TLN2: variants seen among roughly 807,000 people sequenced by gnomAD.
The protein encoded by TLN2 is talin-2.
Under a neutral mutation model 294.7 loss-of-function variants are expected in TLN2, and 118 were observed. That is an observed-to-expected ratio of 0.40 (90% CI 0.34 to 0.47). TLN2 has a LOEUF of 0.47. TLN2 is among the 20% of genes least tolerant of loss of function. The pLI, the probability that TLN2 is intolerant of heterozygous loss-of-function variation, is 0.84. For missense variants in TLN2, 3,083 were observed against 3,282.2 expected, an observed-to-expected ratio of 0.94 and a Z score of 1.48; for synonymous variants, 1,431 against 1,304.5, an observed-to-expected ratio of 1.10 and a Z score of -2.09.
rs115429014 is a variant in TLN2 at position 62,434,625 on chromosome 15, A to G, written c.-238+43940A>G. On this transcript the variant is annotated intron_variant, in intron 1 of 58. Coordinates refer to ENST00000636159, the MANE Select transcript of TLN2 (RefSeq NM_015059.3). Reference sequence around the variant, plus strand: ...GAAGTTGTATCATTTTTAATCATTTAACCAACAATGTATGAGAGTGCCTGT... The same window carrying G: ...GAAGTTGTATCATTTTTAATCATTTGACCAACAATGTATGAGAGTGCCTGT... Among the ~76,000 whole-genome samples the G allele has an allele frequency of 5.9e-3, 894 of 152,298 alleles. 12 individuals are homozygous for G. Among genetic ancestry groups the G allele is most frequent in the African/African-American group, 0.021 (863 of 41,552 alleles).
At chr15:62,697,540 C>A (rs2058430694) in intron 14 of TLN2, 148 bp from the exon 15 acceptor site, 1 of 804,594 alleles carries the variant, frequency 1.2e-6, no homozygotes, top group East Asian at 2.8e-5. Flanking sequence ...AATGCCACTT[C>A]TTCATTCCTG....
chr15:62,435,740 C>G (rs2035256758), intron 1 of TLN2, among the ~76,000 whole-genome samples: 1 of 152,110 alleles, frequency 6.6e-6, no homozygotes, highest in Non-Finnish European at 1.5e-5. Context: ...TGGGGTTTTG[C>G]CATGTTGGCC....
chr15:62,788,299 G>A (rs1235870389), intron 45 of TLN2, among the ~76,000 whole-genome samples: 7 of 151,918 alleles, frequency 4.6e-5, no homozygotes, highest in Admixed American at 3.9e-4. Flanking sequence ...CAAAAAGAGC[G>A]AAACTCCATC....
chr15:62,587,943 T>G (rs1051958272), intron 1 of TLN2, among the ~76,000 whole-genome samples: 5 of 152,090 alleles, frequency 3.3e-5, no homozygotes, highest in Non-Finnish European at 4.4e-5. Context: ...TGTAGTGGCG[T>G]GATCTCGGCT....
At chr15:62,703,104 ATT>A (rs34852037) in intron 19 of TLN2, among the ~76,000 whole-genome samples, 9 of 140,822 alleles carry the variant, frequency 6.4e-5, no homozygotes, top group East Asian at 2.1e-4. Context: ...AGCTTTCCTG[ATT>A]TTTTTTTTTT....
At position 62,483,902 on chromosome 15, in the gene TLN2, T is replaced by G. The variant is rs182491874; in HGVS notation, c.-238+93217T>G. Among the ~76,000 whole-genome samples, 43 of 152,330 alleles carry G rather than the reference T, an allele frequency of 2.8e-4. 1 individual carries two copies. In the East Asian group the frequency reaches 6.2e-3, roughly 22 times the overall value. ...CCCATGGATTACATTTGGCAGCGTT[T>G]CTTTGGCCAGCTGCATGCCTCCCAG... On this transcript the variant is annotated intron_variant, in intron 1 of 58. Transcript: ENST00000636159.
chr15:62,608,322 C>G (rs76616085), intron 2 of TLN2, among the ~76,000 whole-genome samples: 10,830 of 152,096 alleles, frequency 0.071, 517 homozygotes, highest in East Asian at 0.16. Flanking sequence ...TGTTAGACTT[C>G]TCCCTAAGAA....
At chr15:62,821,723 A>G (rs2067586129) in intron 54 of TLN2, among the ~76,000 whole-genome samples, 1 of 152,130 alleles carries the variant, frequency 6.6e-6, no homozygotes, top group Admixed American at 6.5e-5. Context: ...TGTGGGGTTT[A>G]CCAGGGCTCT....
intron 57 of TLN2, 139 bp downstream of exon 57, chr15:62,836,212 C>T (rs1189427630): frequency 8.4e-7 from 1 of 1,190,244 alleles, no homozygotes; most frequent in Non-Finnish European, 1.2e-6. Flanking sequence ...GCCTCATCTA[C>T]TGCGTGCGTC....
In TLN2 at chr15:62,694,346, G is replaced by C. The variant is rs756715694; in HGVS notation, c.1246G>C (p.Gly416Arg). The part of the protein sequence containing the change: ...KQSKDRFGLE[G>R]DEESTMLEES... The stretch of plus-strand genomic sequence containing the variant: ...AAGTAAAGATCGATTTGGACTAGAA[G>C]GTGATGAGGAGTCAACCATGTTAGA... Residue 416 changes from glycine to arginine, a missense_variant, in exon 14 of 59, where the codon GGT becomes CGT. Physicochemically the swap from Gly to Arg is moderately radical, Grantham distance 125 (BLOSUM62 -2). Transcript: ENST00000636159. 1 of 1,614,086 alleles carries C rather than the reference G, an allele frequency of 6.2e-7. No homozygotes were observed. Among genetic ancestry groups the C allele is most frequent in the East Asian group, 2.2e-5 (1 of 44,876 alleles).
chr15:62,742,003 C>T (rs2061356153), intron 32 of TLN2, among the ~76,000 whole-genome samples: 1 of 4,584 alleles, frequency 2.2e-4, no homozygotes, highest in South Asian at 0.045. Context: ...CATGTCCTTC[C>T]TCCCTCTTGG....
chr15:62,524,203 A>G (rs1488919879), intron 1 of TLN2, among the ~76,000 whole-genome samples: 4 of 152,222 alleles, frequency 2.6e-5, no homozygotes, highest in Non-Finnish European at 5.9e-5. Flanking sequence ...CCCTGATAAC[A>G]TAGCCTTTTC....
At chr15:62,813,004 A>C (rs937424) in intron 52 of TLN2, among the ~76,000 whole-genome samples, 135,447 of 152,250 alleles carry the variant, frequency 0.89, 60,575 homozygotes, top group Non-Finnish European at 0.93. Flanking sequence ...GCACTTACTG[A>C]CGGGAGACCC....
chr15:62,501,618 G>A (rs1365103661), intron 1 of TLN2, among the ~76,000 whole-genome samples: 1 of 152,188 alleles, frequency 6.6e-6, no homozygotes, highest in Non-Finnish European at 1.5e-5. Flanking sequence ...GATTTCAGAA[G>A]TGGCTGACAA....
chr15:62,807,849 C>T (rs371767770), intron 51 of TLN2, among the ~76,000 whole-genome samples: 1 of 152,176 alleles, frequency 6.6e-6, no homozygotes. Context: ...CCCTGATGCT[C>T]CTGTTAGGAT....
rs2060014370 is a variant in TLN2, at chr15:62,719,821, C to G, written c.2932C>G (p.Gln978Glu). Residue 978 changes from glutamine (Q) to glutamate (E), a missense_variant, in exon 25 of 59, where the codon CAA (glutamine) becomes GAA (glutamate). By Grantham distance (29) the Gln-to-Glu change is conservative. Coordinates refer to ENST00000636159, the MANE Select transcript of TLN2 (RefSeq NM_015059.3). ...LVQGVRGSQA[Q>E]AEDLSAQLAL... ...CCAGGGAGTGAGGGGGAGCCAAGCT[C>G]AAGCTGAAGACCTGAGTGCCCAGCT... 5 of 1,612,358 alleles carry G rather than the reference C, an allele frequency of 3.1e-6. No individual in the cohort carries two copies. Among genetic ancestry groups the G allele is most frequent in the African/African-American group, 2.7e-5 (2 of 74,882 alleles).
intron 19 of TLN2, among the ~76,000 whole-genome samples, chr15:62,705,169 G>A (rs892937166): frequency 6.6e-6 from 1 of 152,180 alleles, no homozygotes; most frequent in Non-Finnish European, 1.5e-5. Context: ...TCAGGTTCAG[G>A]GTGACAGTCC....
At chr15:62,804,068 A>G (rs1243385800) in intron 50 of TLN2, among the ~76,000 whole-genome samples, 1 of 152,140 alleles carries the variant, frequency 6.6e-6, no homozygotes, top group African/African-American at 2.4e-5. Flanking sequence ...CTTGGATAAG[A>G]TCCAGAAGAA....
chr15:62,567,831 TC>T (rs758690504), intron 1 of TLN2, among the ~76,000 whole-genome samples: 8 of 152,138 alleles, frequency 5.3e-5, no homozygotes, highest in Admixed American at 2.6e-4. Context: ...AGAGTGAAAC[TC>T]TGTCTTGGGG....
Sources: gnomAD v4.1 joint callset for allele counts (sites outside exome capture counted in the v4.1 genomes callset) on GRCh38, gnomAD v4.1.1 for gene constraint, MANE v1.5 for transcripts, NCBI Gene and HGNC (gene_info 2026-07-23, HGNC 2026-07-21) for gene names.